Variants in PHACTR3 observed in about 807,000 individuals in gnomAD.
PHACTR3 encodes the protein phosphatase and actin regulator 3.
A neutral mutation model predicts 66.8 loss-of-function variants in PHACTR3; 16 were observed. That is an observed-to-expected ratio of 0.24 (90% confidence interval 0.16 to 0.36). The LOEUF is 0.36. Ranked by LOEUF, PHACTR3 falls within the 10% of genes least tolerant of loss-of-function variation. PHACTR3 has a pLI of 1.00. For missense variants in PHACTR3, 647 were observed against 719.9 expected (o/e 0.90, Z 1.16); for synonymous variants, 323 against 292.1 (o/e 1.11, Z -1.08).
chr20:59,644,181 C>A (rs1191129182), intron 1 of PHACTR3, among the ~76,000 whole-genome samples: 1 of 152,184 alleles, frequency 6.6e-6, no homozygotes, highest in Non-Finnish European at 1.5e-5. Context: ...CAGTGTGCGA[C>A]AAGAGCTAGT....
At chr20:59,763,925 A>T (rs1461913843) in intron 4 of PHACTR3, among the ~76,000 whole-genome samples, 1 of 152,204 alleles carries the variant, frequency 6.6e-6, no homozygotes, top group Admixed American at 6.5e-5. Flanking sequence ...GTGGAGATGC[A>T]GTGTTAAAGG....
chr20:59,735,216 C>G (rs1341890848), intron 1 of PHACTR3, among the ~76,000 whole-genome samples: 4 of 152,068 alleles, frequency 2.6e-5, no homozygotes, highest in African/African-American at 9.7e-5. Flanking sequence ...CTTCTTTTCT[C>G]CTCCATAAAT....
chr20:59,615,776 T>G (rs149976884), intron 1 of PHACTR3, among the ~76,000 whole-genome samples: 1 of 152,216 alleles, frequency 6.6e-6, no homozygotes, highest in Admixed American at 6.5e-5. Context: ...CCTTCACTTA[T>G]GCTGATTCTG....
At chr20:59,674,359 TCTTCCCCTTCTCCTGTTC>T (rs1162422528) in intron 1 of PHACTR3, among the ~76,000 whole-genome samples, 10 of 120,050 alleles carry the variant, frequency 8.3e-5, no homozygotes, top group East Asian at 2.9e-4. Flanking sequence ...CACTCTGCCC[TCTTCCCCTTCTCCTGTTC>T]CTTCCCCTTC....
At chr20:59,640,424 C>T (rs2035061645) in intron 1 of PHACTR3, among the ~76,000 whole-genome samples, 1 of 152,102 alleles carries the variant, frequency 6.6e-6, no homozygotes, top group Non-Finnish European at 1.5e-5. Flanking sequence ...GTGCAGATGC[C>T]CCTGGGGCCA....
At chr20:59,745,258 G>A (rs942744390) in intron 2 of PHACTR3, among the ~76,000 whole-genome samples, 1 of 152,198 alleles carries the variant, frequency 6.6e-6, no homozygotes. Flanking sequence ...CGGGGGACTA[G>A]AGCAGAGTGA....
At chr20:59,836,611 T>C (rs1354480215) in intron 9 of PHACTR3, 51 bp downstream of exon 9, 2 of 1,570,776 alleles carry the variant, frequency 1.3e-6, no homozygotes, top group Non-Finnish European at 8.7e-7. Flanking sequence ...GTGGTGAGGC[T>C]GTTGCACAAA....
chr20:59,583,983 A>G lies in PHACTR3; in HGVS notation c.109+6366A>G, dbSNP rs73914192. ...GAATTCAGCAGCTCTTGGGCCTCAC[A>G]CTACGAAGTGGGCCAGACCGGTGGG... On this transcript the variant is annotated intron_variant, in intron 1 of 12. Coordinates refer to the PHACTR3 transcript ENST00000359926. 7.6e-3 allele frequency among the ~76,000 whole-genome samples: 1,159 copies of G among 152,352 alleles called. 18 individuals carry two copies. The highest frequency in any genetic ancestry group is 0.026 in the African/African-American group (1,066 of 41,578).
At chr20:59,621,720 C>A (rs956499044) in intron 1 of PHACTR3, among the ~76,000 whole-genome samples, 2 of 152,186 alleles carry the variant, frequency 1.3e-5, no homozygotes, top group Non-Finnish European at 2.9e-5. Context: ...GCCACTGGCC[C>A]CTGGGGAGGT....
chr20:59,747,893 A>T, intron 3 of PHACTR3, 58 bp downstream of exon 3: 2 of 1,560,084 alleles, frequency 1.3e-6, no homozygotes, highest in Admixed American at 1.7e-5. Flanking sequence ...CAGAATGGAA[A>T]GTCTCACATG....
chr20:59,795,435 T>C (rs1029780122), intron 7 of PHACTR3, among the ~76,000 whole-genome samples: 14 of 151,312 alleles, frequency 9.3e-5, no homozygotes, highest in African/African-American at 2.9e-4. Flanking sequence ...CCATGTGCAA[T>C]TGAGAAGAAT....
intron 1 of PHACTR3, among the ~76,000 whole-genome samples, chr20:59,581,160 A>G (rs919242255): frequency 3.3e-5 from 5 of 152,170 alleles, no homozygotes; most frequent in Admixed American, 1.3e-4. Flanking sequence ...CAGTGCAAGA[A>G]CCCCACAGCT....
At chr20:59,822,229 C>T (rs1170724036) in intron 8 of PHACTR3, among the ~76,000 whole-genome samples, 1 of 26,764 alleles carries the variant, frequency 3.7e-5, no homozygotes, top group African/African-American at 2.7e-4. Flanking sequence ...CCACCCCCTC[C>T]CCTGCCATCC....
chr20:59,833,296 C>G (rs189530719), intron 8 of PHACTR3, among the ~76,000 whole-genome samples: 90 of 152,338 alleles, frequency 5.9e-4, no homozygotes, highest in Middle Eastern at 3.4e-3. Flanking sequence ...TGCCTCTGTG[C>G]CTTGGGACCA....
intron 1 of PHACTR3, among the ~76,000 whole-genome samples, chr20:59,639,438 C>T (rs1406323005): frequency 6.6e-6 from 1 of 152,154 alleles, no homozygotes; most frequent in African/African-American, 2.4e-5. Flanking sequence ...CTGTACTGAC[C>T]ACACAAAGTT....
In PHACTR3 at chr20:59,755,272, A is replaced by G. The variant is rs1469453831; in HGVS notation, c.449A>G (p.Glu150Gly). 1.9e-6 allele frequency: 3 copies of G among 1,613,874 alleles called. No homozygotes were observed. The South Asian group carries it at 3.3e-5, about 18-fold the overall frequency. The change falls in exon 4 of 13, where the codon GAA becomes GGA. Residue 150 changes from glutamate to glycine, a missense_variant. By Grantham distance (98) the Glu-to-Gly change is moderately conservative. Transcript: ENST00000371015. ...CCCAAGTCGGAGACGCTGACTTCAG[A>G]AGATGCCCAGCCCGGAAGCCCCTTG... Reference protein sequence around the residue: ...PTPKSETLTSEDAQPGSPLAT... With the variant: ...PTPKSETLTSGDAQPGSPLAT...
chr20:59,603,128 G>A (rs1297893592), upstream of PHACTR3, among the ~76,000 whole-genome samples: 1 of 152,216 alleles, frequency 6.6e-6, no homozygotes, highest in African/African-American at 2.4e-5. Flanking sequence ...ATTCCTAGCA[G>A]TTTCCCACCA....
intron 1 of PHACTR3, among the ~76,000 whole-genome samples, chr20:59,635,143 CTTTCTTTT>C (rs1393573659): frequency 1.5e-4 from 10 of 66,324 alleles, no homozygotes; most frequent in African/African-American, 5.3e-4. Flanking sequence ...TTCTTTCTTT[CTTTCTTTT>C]TCTTTCTTTC....
rs1555881160 is a variant in PHACTR3 at position 59,635,149 on chromosome 20, T to TTCTTTTTC, written c.118+30018_118+30019insCTTTTTCT. On this transcript the variant is annotated intron_variant, in intron 1 of 12. Transcript: ENST00000371015. Reference sequence around the variant, plus strand: ...TTTCTTTCTTTCTTTCTTTCTTTCTTTTTCTTTCTTTCTTTCTTTCCTTTC... The same window carrying TTCTTTTTC: ...TTTCTTTCTTTCTTTCTTTCTTTCTTTCTTTTTCTTTCTTTCTTTCTTTCTTTCCTTTC... Among the ~76,000 whole-genome samples, 21 of 60,412 alleles carry TTCTTTTTC rather than the reference T, an allele frequency of 3.5e-4. No individual in the cohort carries two copies. In the East Asian group the frequency reaches 5.1e-3, roughly 15 times the overall value. The allele number at this position is 60,412 out of a possible 152,430, so 39.6% of individuals were successfully genotyped here.
Sources: allele counts gnomAD v4.1 joint callset (sites outside exome capture counted in the v4.1 genomes callset), GRCh38; gene constraint gnomAD v4.1.1; transcripts MANE v1.5; gene names NCBI Gene and HGNC (gene_info 2026-07-23, HGNC 2026-07-21).